Variants in EEF1AKMT2 observed in about 807,000 individuals in gnomAD.
EEF1AKMT2 encodes the protein EEF1A lysine methyltransferase 2.
In EEF1AKMT2, 32 loss-of-function variants were observed where a neutral mutation model predicts 35.8. That is an observed-to-expected ratio of 0.89 (90% CI 0.67 to 1.20). The LOEUF (loss-of-function observed/expected upper bound fraction) is 1.20. Among genes scored for constraint, EEF1AKMT2 ranks in the 50% most tolerant of loss-of-function variants. The pLI, the probability that EEF1AKMT2 is intolerant of heterozygous loss-of-function variation, is 0.00. For missense variants in EEF1AKMT2, 330 were observed against 347.5 expected (o/e 0.95, Z 0.40); for synonymous variants, 121 against 133.7 (o/e 0.91, Z 0.65).
At chr10:124,772,605 T>C (rs1201363263) in intron 4 of EEF1AKMT2, among the ~76,000 whole-genome samples, 1 of 152,046 alleles carries the variant, frequency 6.6e-6, no homozygotes, top group Non-Finnish European at 1.5e-5. Context: ...ACTTTCTGTA[T>C]TTTTAGTAGA....
chr10:124,769,218 C>CAAAAAAAAAAAAAAAAAAAAAAAAAAA (rs1554917142), intron 4 of EEF1AKMT2, among the ~76,000 whole-genome samples: 5 of 31,298 alleles, frequency 1.6e-4, no homozygotes, highest in Non-Finnish European at 2.3e-4. Flanking sequence ...ACACTGTCTC[C>CAAAAAAAAAAAAAAAAAAAAAAAAAAA]AAAAAAAAAA....
At chr10:124,767,380 G>A (rs1950388102) in intron 4 of EEF1AKMT2, among the ~76,000 whole-genome samples, 1 of 151,346 alleles carries the variant, frequency 6.6e-6, no homozygotes, top group African/African-American at 2.4e-5. Flanking sequence ...GGGCGTGGTG[G>A]CATGTGCCTG....
intron 3 of EEF1AKMT2, among the ~76,000 whole-genome samples, chr10:124,788,710 T>TTATATATATATATATATATATA (rs146577563): frequency 0.023 from 2,085 of 92,020 alleles, 157 homozygotes; most frequent in South Asian, 0.043. Flanking sequence ...AAGGTCATCT[T>TTATATATATATATATATATATA]TATATATATA....
In EEF1AKMT2 at chr10:124,767,171, A is replaced by AC. The variant is rs1382000892; in HGVS notation, c.400-1564_400-1563insG. On this transcript the variant is annotated intron_variant, in intron 4 of 6. Coordinates refer to ENST00000368836, the MANE Select transcript of EEF1AKMT2 (RefSeq NM_212554.4). Reference sequence around the variant, plus strand: ...GCTAGACTCCATCTTAAAAAAAAAAAAAAAAAAAAAAACAGTAAACAAAAT... The same window carrying AC: ...GCTAGACTCCATCTTAAAAAAAAAAACAAAAAAAAAAAACAGTAAACAAAAT... Among the ~76,000 whole-genome samples, 313 of 147,606 alleles carry AC rather than the reference A, an allele frequency of 2.1e-3. 1 individual carries two copies. In the South Asian group the frequency reaches 0.021, roughly 10 times the overall value.
At chr10:124,790,205 T>C in intron 2 of EEF1AKMT2, 68 bp downstream of exon 2, 10 of 1,292,202 alleles carry the variant, frequency 7.7e-6, no homozygotes, top group Non-Finnish European at 1.1e-5. Flanking sequence ...TATATACGTA[T>C]TTTTTTAAAC....
At chr10:124,771,301 A>G (rs142906886) in intron 4 of EEF1AKMT2, among the ~76,000 whole-genome samples, 2,364 of 151,636 alleles carry the variant, frequency 0.016, 45 homozygotes, top group African/African-American at 0.045. Flanking sequence ...GGGTTTCACC[A>G]TGTTAGCCAG....
intron 5 of EEF1AKMT2, among the ~76,000 whole-genome samples, chr10:124,764,453 G>A (rs897627605): frequency 6.6e-6 from 1 of 152,152 alleles, no homozygotes; most frequent in African/African-American, 2.4e-5. Flanking sequence ...GCAAGGAACA[G>A]TCTGCCAGAG....
rs1205589199 is a variant in EEF1AKMT2 at position 124,762,546 on chromosome 10, A to G, written c.629T>C (p.Val210Ala). ...LNEFSEGWST[V>A]AGFWLTAALT... Reference sequence around the variant, plus strand: ...GGCTGCAGTGAGCCAAAATCCTGCCACTGTACTCCAACCTGGGCAACAGAG... The same window carrying G: ...GGCTGCAGTGAGCCAAAATCCTGCCGCTGTACTCCAACCTGGGCAACAGAG... The change falls in exon 6 of 7, where the codon GTG (valine) becomes GCG (alanine). Residue 210 changes from valine to alanine, a missense_variant. Val to Ala is a moderately conservative substitution (Grantham distance 64). Coordinates refer to ENST00000368836, the MANE Select transcript of EEF1AKMT2 (RefSeq NM_212554.4). The G allele has an allele frequency of 1.1e-5, 13 of 1,235,540 alleles. No homozygotes were observed. Among genetic ancestry groups the G allele is most frequent in the Non-Finnish European group, 1.4e-5 (13 of 946,922 alleles). The allele number at this position is 1,235,540 out of a possible 1,614,324, so 76.5% of individuals were successfully genotyped here.
intron 3 of EEF1AKMT2, among the ~76,000 whole-genome samples, chr10:124,782,371 A>T (rs1169705264): frequency 6.6e-6 from 1 of 151,964 alleles, no homozygotes; most frequent in East Asian, 1.9e-4. Context: ...TCACGAGGTC[A>T]GGAGATCGAG....
intron 3 of EEF1AKMT2, among the ~76,000 whole-genome samples, chr10:124,779,161 C>T (rs547064551): frequency 2.4e-4 from 36 of 152,114 alleles, no homozygotes; most frequent in Non-Finnish European, 4.4e-4. Flanking sequence ...AACAGGGTTT[C>T]CTTCTGTCAC....
intron 4 of EEF1AKMT2, among the ~76,000 whole-genome samples, chr10:124,769,804 G>A (rs10901819): frequency 0.49 from 73,659 of 151,318 alleles, 19,859 homozygotes; most frequent in South Asian, 0.64. Flanking sequence ...AAAATTAGCC[G>A]GGCATGGTGG....
At chr10:124,791,131 A>G (rs184042994) in intron 1 of EEF1AKMT2, among the ~76,000 whole-genome samples, 133 of 151,752 alleles carry the variant, frequency 8.8e-4, no homozygotes, top group Middle Eastern at 3.4e-3. Flanking sequence ...GCTCCCTCTC[A>G]TCCCGCCAAT....
intron 3 of EEF1AKMT2, among the ~76,000 whole-genome samples, chr10:124,784,441 T>G (rs948353865): frequency 6.6e-6 from 1 of 152,102 alleles, no homozygotes; most frequent in Non-Finnish European, 1.5e-5. Flanking sequence ...GTAGAACAAT[T>G]TTTTAAAATA....
downstream of EEF1AKMT2, among the ~76,000 whole-genome samples, chr10:124,757,628 T>C (rs565651104): frequency 1.8e-4 from 27 of 152,068 alleles, no homozygotes; most frequent in Admixed American, 7.9e-4. Flanking sequence ...TACAGTATCA[T>C]AGAAATTTTA....
chr10:124,772,175 A>G (rs2134128742), intron 4 of EEF1AKMT2, among the ~76,000 whole-genome samples: 1 of 152,228 alleles, frequency 6.6e-6, no homozygotes, highest in South Asian at 2.1e-4. Flanking sequence ...CCCTCTAACA[A>G]TAATGTCAGC....
rs1009102656 is a variant in EEF1AKMT2, at chr10:124,759,349, T to C, written c.*1154A>G. 2.0e-5 allele frequency: 3 copies of C among 152,124 alleles called. No homozygotes were observed. The highest frequency in any genetic ancestry group is 4.4e-5 in the Non-Finnish European group (3 of 68,020). The allele number at this position is 152,124 out of a possible 1,614,324, so 9.4% of individuals were successfully genotyped here. On this transcript the variant is annotated 3_prime_UTR_variant, in exon 7 of 7. Coordinates refer to ENST00000368836, the MANE Select transcript of EEF1AKMT2 (RefSeq NM_212554.4). Reference sequence around the variant, plus strand: ...TGACAAAATTCTTAATAGAGGCAAGTCTTTGAGTAGGGAGATGGGGAAAAG... The same window carrying C: ...TGACAAAATTCTTAATAGAGGCAAGCCTTTGAGTAGGGAGATGGGGAAAAG...
Position 124,765,592 on chromosome 10 carries a change from T to G in EEF1AKMT2, c.416A>C (p.Asn139Thr). 1 of 1,613,312 alleles carries G rather than the reference T, an allele frequency of 6.2e-7. No homozygotes were observed. Among genetic ancestry groups the G allele is most frequent in the Non-Finnish European group, 8.5e-7 (1 of 1,179,696 alleles). ...NIKLKVEDFL[N>T]LSTQLSGFHI... ...AAATCCAGACAGCTGTGTGGAGAGA[T>G]TCAAAAAGTCTTCTACCTATATTAA... The change falls in exon 5 of 7, where the codon AAT (asparagine) becomes ACT (threonine). Residue 139 changes from asparagine to threonine, a missense_variant. Coordinates refer to ENST00000368836, the MANE Select transcript of EEF1AKMT2 (RefSeq NM_212554.4).
intron 4 of EEF1AKMT2, among the ~76,000 whole-genome samples, chr10:124,767,904 T>G (rs538047320): frequency 2.0e-4 from 30 of 152,342 alleles, no homozygotes; most frequent in Admixed American, 5.9e-4. Context: ...GAGAATCGTT[T>G]GAACCCAGGA....
intron 4 of EEF1AKMT2, among the ~76,000 whole-genome samples, chr10:124,771,216 C>T (rs1425082860): frequency 6.6e-6 from 1 of 151,976 alleles, no homozygotes; most frequent in Non-Finnish European, 1.5e-5. Flanking sequence ...TCTCCTGCCT[C>T]AGCCTCCCAA....
Sources: allele counts gnomAD v4.1 joint callset (sites outside exome capture counted in the v4.1 genomes callset), GRCh38; gene constraint gnomAD v4.1.1; transcripts MANE v1.5; gene names NCBI Gene and HGNC (gene_info 2026-07-23, HGNC 2026-07-21).